Variants in RTL9 observed in about 807,000 individuals in gnomAD.
RTL9 encodes retrotransposon Gag-like protein 9.
RTL9 carries 19 observed loss-of-function variants against 44.7 expected under a neutral mutation model. The observed-to-expected ratio is 0.42, with a 90% CI of 0.30 to 0.62. The LOEUF (loss-of-function observed/expected upper bound fraction) is 0.62, where lower values mean the gene tolerates loss of function less well. Among genes scored for constraint, RTL9 ranks in the 20% least tolerant of loss-of-function variants. The pLI is 0.16. For missense variants in RTL9, 1,105 were observed against 1,080.6 expected, an observed-to-expected ratio of 1.02 and a Z score of -0.32; for synonymous variants, 407 against 398.9, an observed-to-expected ratio of 1.02 and a Z score of -0.24.
intron 1 of RTL9, among the ~76,000 whole-genome samples, chrX:110,442,449 G>A (rs1478371281): frequency 9.0e-6 from 1 of 111,672 alleles, no homozygotes; most frequent in Non-Finnish European, 1.9e-5. Flanking sequence ...TCTGCAATGA[G>A]TAAATAGATG....
chrX:110,424,741 T>A (rs913724238), intron 1 of RTL9, among the ~76,000 whole-genome samples: 1 of 111,654 alleles, frequency 9.0e-6, no homozygotes, highest in Non-Finnish European at 1.9e-5. Context: ...TGGGGTTCTG[T>A]AAAATGTTTG....
At chrX:110,403,513 C>T (rs887788989) in intron 1 of RTL9, among the ~76,000 whole-genome samples, 33 of 110,955 alleles carry the variant, frequency 3.0e-4, no homozygotes, top group Admixed American at 1.2e-3. Context: ...TCTCCAAACA[C>T]GTCCATGATA....
intron 1 of RTL9, among the ~76,000 whole-genome samples, chrX:110,428,240 G>T (rs1020686301): frequency 3.6e-5 from 4 of 111,607 alleles, no homozygotes; most frequent in Non-Finnish European, 5.6e-5. Flanking sequence ...TTCTCTGTCT[G>T]GACCCTTTCT....
At chrX:110,395,035 C>T (rs1347811391) in intron 1 of RTL9, among the ~76,000 whole-genome samples, 1 of 112,749 alleles carries the variant, frequency 8.9e-6, no homozygotes, top group Admixed American at 9.3e-5. Flanking sequence ...AGCTTCAGGG[C>T]TGCTTCTAGA....
chrX:110,445,940 C>A (rs986032427), upstream of RTL9, among the ~76,000 whole-genome samples: 2 of 111,649 alleles, frequency 1.8e-5, no homozygotes, highest in Non-Finnish European at 3.8e-5. Flanking sequence ...GAAGTCTATG[C>A]CTCACATGGG....
chrX:110,412,466 G>T (rs1448938513), intron 1 of RTL9, among the ~76,000 whole-genome samples: 1 of 112,173 alleles, frequency 8.9e-6, no homozygotes, highest in Non-Finnish European at 1.9e-5. Context: ...AGACTGCCTA[G>T]GTTTGACTTC....
chrX:110,384,527 T>C (rs142595890), intron 1 of RTL9, among the ~76,000 whole-genome samples: 1 of 111,626 alleles, frequency 9.0e-6, no homozygotes, highest in African/African-American at 3.3e-5. Flanking sequence ...TCCCTTTGCA[T>C]TTAACTTAAT....
chrX:110,448,583 C>T (rs943444355), upstream of RTL9, among the ~76,000 whole-genome samples: 1 of 102,347 alleles, frequency 9.8e-6, no homozygotes, highest in African/African-American at 3.6e-5. Flanking sequence ...AAGTGAAAGG[C>T]GGCCAGAGGC....
intron 1 of RTL9, among the ~76,000 whole-genome samples, chrX:110,361,690 A>G (rs2068264703): frequency 8.9e-6 from 1 of 112,189 alleles, no homozygotes; most frequent in African/African-American, 3.2e-5. Flanking sequence ...GCCATTCTCT[A>G]TCTGCCTTCC....
intron 1 of RTL9, among the ~76,000 whole-genome samples, chrX:110,412,438 A>G (rs769252234): frequency 8.9e-6 from 1 of 112,570 alleles, no homozygotes; most frequent in South Asian, 3.7e-4. Context: ...CTAATGATTA[A>G]GAGTTTGAGC....
At chrX:110,367,817 T>A (rs1210372517) in intron 1 of RTL9, among the ~76,000 whole-genome samples, 1 of 109,629 alleles carries the variant, frequency 9.1e-6, no homozygotes, top group Non-Finnish European at 1.9e-5. Context: ...GTTAAAAATT[T>A]ATTTGTTTAG....
At chrX:110,387,857 CTTT>C (rs57937918) in intron 1 of RTL9, among the ~76,000 whole-genome samples, 3 of 82,806 alleles carry the variant, frequency 3.6e-5, no homozygotes, top group African/African-American at 1.6e-4. Context: ...CTCCCTCTCT[CTTT>C]TTTTTTTTTT....
chrX:110,431,153 G>T (rs990014260), intron 1 of RTL9, among the ~76,000 whole-genome samples: 1 of 111,997 alleles, frequency 8.9e-6, no homozygotes, highest in Non-Finnish European at 1.9e-5. Flanking sequence ...AATAATTTGT[G>T]AACTCTCAGT....
At chrX:110,392,923 A>G (rs767101680) in intron 1 of RTL9, among the ~76,000 whole-genome samples, 1 of 112,153 alleles carries the variant, frequency 8.9e-6, no homozygotes, top group African/African-American at 3.2e-5. Context: ...TGGCGTTGTG[A>G]GTTTGTGGGT....
rs759928039 is a variant in RTL9 at position 110,450,700 on chromosome X, T to C, written c.83T>C (p.Phe28Ser). Residue 28 changes from phenylalanine to serine, a missense_variant, in exon 1 of 2, where the codon TTC becomes TCC. Transcript: ENST00000540313. Reference sequence around the variant, plus strand: ...GAGCCCCAAAACAAGCAGATGGCCTTCTGTAGACCAATGACAGAGACCAGA... The same window carrying C: ...GAGCCCCAAAACAAGCAGATGGCCTCCTGTAGACCAATGACAGAGACCAGA... 1 of 1,208,912 alleles carries C rather than the reference T, an allele frequency of 8.3e-7. No individual in the cohort carries two copies. The highest frequency in any genetic ancestry group is 3.0e-5 in the East Asian group (1 of 33,723).
chrX:110,442,147 C>G (rs377416220), intron 1 of RTL9, among the ~76,000 whole-genome samples: 1 of 110,053 alleles, frequency 9.1e-6, no homozygotes, highest in African/African-American at 3.3e-5. Flanking sequence ...CTGGTGAGCA[C>G]GTGCCTCACC....
At chrX:110,436,235 G>A (rs1481827731) in intron 1 of RTL9, among the ~76,000 whole-genome samples, 2 of 111,597 alleles carry the variant, frequency 1.8e-5, no homozygotes, top group Non-Finnish European at 3.8e-5. Flanking sequence ...ATTTCCATGT[G>A]CTCCTGGAGA....
rs778584979 is a variant in RTL9 at position 110,413,521 on chromosome X, C to T, written c.-167-31632C>T. 1.2e-4 allele frequency among the ~76,000 whole-genome samples: 13 copies of T among 105,380 alleles called. 1 individual carries two copies. Among genetic ancestry groups the T allele is most frequent in the Admixed American group, 5.0e-4 (5 of 9,930 alleles). The allele number at this position is 105,380 out of a possible 115,157, so 91.5% of individuals were successfully genotyped here. A position where few individuals can be genotyped will look rare whatever the true frequency, so the allele number is the denominator to read the frequency against. On this transcript the variant is annotated intron_variant, in intron 1 of 2. Coordinates refer to the RTL9 transcript ENST00000520821. ...ACCATCCCCTCCTGGTCAACCCCCC[C>T]CCACCCCCACATTCAACGAAGAGTT...
At chrX:110,417,095 C>T (rs751049565), upstream of RTL9, among the ~76,000 whole-genome samples, 3 of 112,070 alleles carry the variant, frequency 2.7e-5, no homozygotes, top group African/African-American at 9.7e-5. Context: ...TGTTTGGGGT[C>T]ATCAGGAACA....
Sources: gnomAD v4.1 joint callset for allele counts (sites outside exome capture counted in the v4.1 genomes callset) on GRCh38, gnomAD v4.1.1 for gene constraint, MANE v1.5 for transcripts, NCBI Gene and HGNC (gene_info 2026-07-23, HGNC 2026-07-21) for gene names.